The following ADGRB1 variants were observed in gnomAD, a reference collection of about 807,000 sequenced individuals.
ADGRB1 encodes brain-specific angiogenesis inhibitor 1.
ADGRB1 carries 36 observed loss-of-function variants against 175.7 expected under a neutral mutation model. The ratio of observed to expected loss-of-function variants is 0.20; its 90% confidence interval spans 0.16 to 0.27. The LOEUF (loss-of-function observed/expected upper bound fraction) is 0.27, where lower values mean the gene tolerates loss of function less well. ADGRB1 is among the 10% of genes least tolerant of loss of function. The pLI, the probability that ADGRB1 is intolerant of heterozygous loss-of-function variation, is 1.00. For synonymous variants in ADGRB1, 1,054 were observed against 979.4 expected, an observed-to-expected ratio of 1.08 and a Z score of -1.42; for missense variants, 1,731 against 2,255.3, an observed-to-expected ratio of 0.77 and a Z score of 4.71.
At chr8:142,539,947 C>T (rs117442655) in intron 27 of ADGRB1, 2,400 of 155,296 alleles carry the variant, frequency 0.015, 17 homozygotes, top group Non-Finnish European at 0.022. Flanking sequence ...CATGGAGCCC[C>T]CGGCCGGTGC....
intron 18 of ADGRB1, among the ~76,000 whole-genome samples, chr8:142,516,857 G>T (rs556404901): frequency 6.6e-6 from 1 of 152,136 alleles, no homozygotes; most frequent in African/African-American, 2.4e-5. Flanking sequence ...GAAGTTGCTC[G>T]GGGTGAACTC....
chr8:142,478,563 G>C (rs1407058654), intron 7 of ADGRB1, among the ~76,000 whole-genome samples: 3 of 150,136 alleles, frequency 2.0e-5, no homozygotes, highest in African/African-American at 7.4e-5. Context: ...GCACTGTGGG[G>C]TGTGGGGTGG....
At position 142,542,239 on chromosome 8, in the gene ADGRB1, G is replaced by T; in HGVS notation, c.4005G>T (p.Arg1335=). ...AGAAGCTGGACTCGGAGCTGAGCCG[G>T]GCCCAGGAGAAGGCTCTGGACACGA... ...IFKKLDSELS[R]AQEKALDTSY... is the part of the protein sequence containing the mutation. The change falls in exon 28 of 31, where the codon CGG becomes CGT. Residue 1335 remains arginine (R), a synonymous_variant. Transcript: ENST00000517894. This position sits in a 1 kb window ranked among gnomAD's most constrained non-coding sequence, Gnocchi z 6.3. The T allele has an allele frequency of 6.2e-7, 1 of 1,613,598 alleles. No homozygotes were observed. Among genetic ancestry groups the T allele is most frequent in the Non-Finnish European group, 8.5e-7 (1 of 1,179,832 alleles).
intron 17 of ADGRB1, among the ~76,000 whole-genome samples, chr8:142,506,180 C>G (rs1159522248): frequency 6.6e-6 from 1 of 152,198 alleles, no homozygotes; most frequent in Non-Finnish European, 1.5e-5. Flanking sequence ...TCCTTGGCGA[C>G]CTTGGCAGGA....
intron 1 of ADGRB1, 42 bp downstream of exon 1, chr8:142,450,146 G>T (rs1307251687): frequency 1.4e-5 from 2 of 147,738 alleles, no homozygotes; most frequent in African/African-American, 4.9e-5. Flanking sequence ...GCGGCGGGTG[G>T]GGGCGCAGCG....
chr8:142,453,042 CCGCT>C (rs528898967), intron 1 of ADGRB1, among the ~76,000 whole-genome samples: 60,494 of 142,124 alleles, frequency 0.43, 14,861 homozygotes, highest in African/African-American at 0.69. Flanking sequence ...GCCCGCCCGC[CCGCT>C]CGCTCGCTCG....
intron 2 of ADGRB1, among the ~76,000 whole-genome samples, chr8:142,471,292 G>A (rs1294028248): frequency 1.1e-4 from 16 of 152,222 alleles, no homozygotes; most frequent in Non-Finnish European, 5.9e-5. Flanking sequence ...GAGCCAGAAC[G>A]CACCCCACGC....
intron 13 of ADGRB1, among the ~76,000 whole-genome samples, chr8:142,487,986 G>T (rs1242762313): frequency 6.6e-6 from 1 of 152,194 alleles, no homozygotes; most frequent in Non-Finnish European, 1.5e-5. Context: ...AGTGGGGGGC[G>T]CTGAGGAGGT....
intron 14 of ADGRB1, among the ~76,000 whole-genome samples, chr8:142,488,824 G>A (rs1009321494): frequency 4.6e-5 from 7 of 152,182 alleles, no homozygotes; most frequent in Admixed American, 6.5e-5. Flanking sequence ...GGAATGGCCC[G>A]GTCTCCCTCT....
At position 142,478,231 on chromosome 8, in the gene ADGRB1, G is replaced by A. The variant is rs374154691; in HGVS notation, c.1432G>A (p.Ala478Thr). The A allele has an allele frequency of 1.8e-5, 29 of 1,607,636 alleles. No individual in the cohort carries two copies. The East Asian group carries it at 2.9e-4, about 16-fold the overall frequency. Residue 478 changes from alanine (A) to threonine (T), a missense_variant, in exon 7 of 31, where the codon GCC becomes ACC. By Grantham distance (58) the Ala-to-Thr change is moderately conservative (BLOSUM62 0). Coordinates refer to ENST00000517894, the MANE Select transcript of ADGRB1 (RefSeq NM_001702.3). ...GNWNEWSSWS[A>T]CSASCSQGRQ... ...CTGGAATGAGTGGTCGAGCTGGAGC[G>A]CCTGCTCCGCCAGCTGCTCCCAGGG...
intron 17 of ADGRB1, among the ~76,000 whole-genome samples, chr8:142,494,410 T>A (rs1249233175): frequency 1.3e-5 from 2 of 152,096 alleles, no homozygotes; most frequent in African/African-American, 4.8e-5. Context: ...TGGGCCCTGA[T>A]CCTGGTCACA....
intron 2 of ADGRB1, among the ~76,000 whole-genome samples, chr8:142,471,972 C>G (rs1840692341): frequency 6.6e-6 from 1 of 152,334 alleles, no homozygotes; most frequent in Middle Eastern, 3.4e-3. Context: ...GTGGGGTCAT[C>G]CCTCGGACAC....
In ADGRB1 at chr8:142,481,718, T is replaced by TC; in HGVS notation, c.2130+11dup. On this transcript the variant is annotated splice_region_variant and intron_variant, in intron 11 of 30. Coordinates refer to ENST00000517894, the MANE Select transcript of ADGRB1 (RefSeq NM_001702.3). ...CACCCCTGGGGACGTACAGGTGGGC[T>TC]CCCCGAGCGGCATTTTGGAAGAGGG... 1 of 1,538,218 alleles carries TC rather than the reference T, an allele frequency of 6.5e-7. No individual in the cohort carries two copies. Among genetic ancestry groups the TC allele is most frequent in the Non-Finnish European group, 8.8e-7 (1 of 1,137,790 alleles).
At chr8:142,532,913 C>A (rs776799755) in intron 24 of ADGRB1, among the ~76,000 whole-genome samples, 1 of 152,268 alleles carries the variant, frequency 6.6e-6, no homozygotes, top group Non-Finnish European at 1.5e-5. Flanking sequence ...GCCCTTCCCC[C>A]TTGCCCAGCT....
At chr8:142,515,935 T>C (rs1445041521) in intron 18 of ADGRB1, among the ~76,000 whole-genome samples, 1 of 152,132 alleles carries the variant, frequency 6.6e-6, no homozygotes, top group Non-Finnish European at 1.5e-5. Flanking sequence ...ACAACAGAGG[T>C]GAGCAGCGCT....
At chr8:142,514,834 GTAT>G (rs1843326221) in intron 18 of ADGRB1, among the ~76,000 whole-genome samples, 1 of 152,118 alleles carries the variant, frequency 6.6e-6, no homozygotes, top group Admixed American at 6.5e-5. Context: ...GGGGCTCGGG[GTAT>G]AATCTGGGTC....
chr8:142,454,197 C>T (rs941966304), intron 1 of ADGRB1, among the ~76,000 whole-genome samples: 1 of 152,150 alleles, frequency 6.6e-6, no homozygotes, highest in Admixed American at 6.5e-5. Context: ...CGCTGCCACG[C>T]CCACAGCTGC....
In ADGRB1 at chr8:142,464,100, ACCGG is replaced by A; in HGVS notation, c.-98_-95del. 3.6e-6 allele frequency: 1 copy of A among 280,416 alleles called. No individual in the cohort carries two copies. Among genetic ancestry groups the A allele is most frequent in the Non-Finnish European group, 4.9e-6 (1 of 204,846 alleles). The allele number at this position is 280,416 out of a possible 1,614,324, so 17.4% of individuals were successfully genotyped here. On this transcript the variant is annotated 5_prime_UTR_variant, in exon 2 of 31. Coordinates refer to ENST00000517894, the MANE Select transcript of ADGRB1 (RefSeq NM_001702.3). ...ACCCTTGCCCCGCCTCCCTGCCCCC[ACCGG>A]GCCGGCCCTGCCCGCCGCCGGACCC...
chr8:142,501,720 G>A (rs1308044844), intron 17 of ADGRB1, among the ~76,000 whole-genome samples: 159 of 111,220 alleles, frequency 1.4e-3, no homozygotes, highest in African/African-American at 4.8e-3. Flanking sequence ...TGATGGTGAG[G>A]GTGATGTGGT....
Sources: gnomAD v4.1 joint callset for allele counts (sites outside exome capture counted in the v4.1 genomes callset) on GRCh38, gnomAD v4.1.1 for gene constraint, Gnocchi (gnomAD v3.1) non-coding constraint, MANE v1.5 for transcripts, NCBI Gene and HGNC (gene_info 2026-07-23, HGNC 2026-07-21) for gene names.